Variants in TMEM131 observed in about 807,000 individuals in gnomAD.
TMEM131 encodes the protein 2610524E03Rik.
Under a neutral mutation model 211.6 loss-of-function variants are expected in TMEM131, and 66 were observed. The ratio of observed to expected loss-of-function variants is 0.31; its 90% CI spans 0.26 to 0.38. The LOEUF (loss-of-function observed/expected upper bound fraction) is 0.38, where lower values mean the gene tolerates loss of function less well. Ranked by LOEUF, TMEM131 falls within the 10% of genes least tolerant of loss-of-function variation. TMEM131 has a pLI of 1.00. For synonymous variants in TMEM131, 844 were observed against 841.3 expected, an observed-to-expected ratio of 1.00 and a Z score of -0.06; for missense variants, 2,036 against 2,299.3, an observed-to-expected ratio of 0.89 and a Z score of 2.34.
chr2:97,794,888 T>C, intron 29 of TMEM131, 42 bp downstream of exon 29: 4 of 1,490,172 alleles, frequency 2.7e-6, no homozygotes, highest in Non-Finnish European at 3.6e-6. Context: ...TCAACAGTGT[T>C]AAATGTTGAA....
chr2:97,776,052 T>A (rs1247139004), intron 31 of TMEM131, 34 bp from the exon 32 acceptor site: 2 of 1,583,608 alleles, frequency 1.3e-6, no homozygotes, highest in African/African-American at 1.4e-5. Flanking sequence ...AGAACTCTTG[T>A]TTTTGTTTCT....
chr2:97,887,247 A>G (rs550687618), intron 4 of TMEM131, among the ~76,000 whole-genome samples: 14 of 152,382 alleles, frequency 9.2e-5, no homozygotes, highest in African/African-American at 3.1e-4. Flanking sequence ...TGATGTGAGC[A>G]CAAAGCTGCT....
intron 3 of TMEM131, among the ~76,000 whole-genome samples, chr2:97,896,782 T>C (rs191575363): frequency 4.5e-4 from 69 of 151,836 alleles, no homozygotes; most frequent in Non-Finnish European, 7.5e-4. Context: ...TTAAATCTTC[T>C]GATGTTTTTC....
chr2:97,787,690 C>T (rs531266324), intron 31 of TMEM131, among the ~76,000 whole-genome samples: 3 of 152,256 alleles, frequency 2.0e-5, no homozygotes, highest in Non-Finnish European at 4.4e-5. Context: ...TGATGTTCAC[C>T]TACTTTTACA....
chr2:97,840,410 G>T lies in TMEM131; in HGVS notation c.723+1405C>A, dbSNP rs1683141793. Among the ~76,000 whole-genome samples the T allele has an allele frequency of 1.3e-5, 2 of 152,166 alleles. 1 individual carries two copies. Among genetic ancestry groups the T allele is most frequent in the African/African-American group, 4.8e-5 (2 of 41,432 alleles). ...AACAGCCCTTCTACGGCACAGTGGG[G>T]CAACTCATGCAGTCGGGTCTAACGG... On this transcript the variant is annotated intron_variant, in intron 7 of 40. Coordinates refer to ENST00000186436, the MANE Select transcript of TMEM131 (RefSeq NM_015348.2).
chr2:97,882,314 A>G (rs1435716121), intron 4 of TMEM131, among the ~76,000 whole-genome samples: 1 of 152,226 alleles, frequency 6.6e-6, no homozygotes, highest in African/African-American at 2.4e-5. Context: ...GACAGCAGCT[A>G]TTTTGTAGCA....
intron 31 of TMEM131, among the ~76,000 whole-genome samples, chr2:97,787,243 T>C (rs1339685081): frequency 6.6e-6 from 1 of 152,256 alleles, no homozygotes; most frequent in Non-Finnish European, 1.5e-5. Flanking sequence ...TTGTCTGAGC[T>C]AGGTGCTCTG....
In TMEM131 at chr2:97,772,381, T is replaced by A; in HGVS notation, c.4364A>T (p.His1455Leu). The change falls in exon 33 of 41, where the codon CAT (histidine) becomes CTT (leucine). Residue 1455 changes from histidine to leucine, a missense_variant. Coordinates refer to ENST00000186436, the MANE Select transcript of TMEM131 (RefSeq NM_015348.2). ...CTTCACTTGAGACATTTCACTTTCA[T>A]GTTTTTCAGGCATGGCTTGTTTTCC... ...QKGKQAMPEK[H>L]ESEMSQVKQK... 1 of 1,610,454 alleles carries A rather than the reference T, an allele frequency of 6.2e-7. No individual in the cohort carries two copies. Among genetic ancestry groups the A allele is most frequent in the Non-Finnish European group, 8.5e-7 (1 of 1,179,146 alleles).
intron 3 of TMEM131, among the ~76,000 whole-genome samples, chr2:97,889,944 C>T (rs1216859521): frequency 3.3e-5 from 5 of 152,206 alleles, no homozygotes; most frequent in African/African-American, 9.6e-5. Flanking sequence ...AAATCAAACA[C>T]GGCGGGGCTG....
At chr2:97,905,368 CTATT>C (rs1204003222) in intron 3 of TMEM131, among the ~76,000 whole-genome samples, 1 of 152,146 alleles carries the variant, frequency 6.6e-6, no homozygotes, top group Non-Finnish European at 1.5e-5. Context: ...GGCTGTTTCT[CTATT>C]TATGACTGAT....
Position 97,995,654 on chromosome 2 carries a change from C to T in TMEM131, c.9G>A (p.Lys3=), listed in dbSNP as rs1559498451. The T allele has an allele frequency of 5.8e-6, 7 of 1,212,312 alleles. No individual in the cohort carries two copies. The highest frequency in any genetic ancestry group is 6.2e-6 in the Non-Finnish European group (6 of 975,076). The allele number at this position is 1,212,312 out of a possible 1,614,324, so 75.1% of individuals were successfully genotyped here. ...CTCCGGTTGCTCCTCCTCCCGCCCG[C>T]TTCCCCATCCCTGCCGGCCGGGGGC... MG[K]RAGGGATGAT... is the part of the protein sequence containing the mutation. Residue 3 remains lysine (K), a synonymous_variant, in exon 1 of 41, where the codon AAG becomes AAA. Transcript: ENST00000186436.
intron 38 of TMEM131, chr2:97,760,298 T>C: frequency 2.2e-6 from 1 of 444,710 alleles, no homozygotes. Context: ...AGATCACATC[T>C]TACCACAGAC....
chr2:97,971,955 C>T (rs1679316463), intron 1 of TMEM131, among the ~76,000 whole-genome samples: 1 of 152,226 alleles, frequency 6.6e-6, no homozygotes, highest in Non-Finnish European at 1.5e-5. Context: ...CACCTATAAT[C>T]CCAGCACTTT....
At chr2:97,908,566 C>T in intron 3 of TMEM131, 92 bp downstream of exon 3, 1 of 934,246 alleles carries the variant, frequency 1.1e-6, no homozygotes, top group Non-Finnish European at 1.7e-6. Context: ...TCCTTCTTCA[C>T]CAAAATGAGC....
chr2:97,860,873 G>A (rs1001937746), intron 4 of TMEM131, among the ~76,000 whole-genome samples: 1 of 152,166 alleles, frequency 6.6e-6, no homozygotes, highest in African/African-American at 2.4e-5. Context: ...ACTGAAAGAG[G>A]CAATGAAGAG....
At chr2:97,972,412 G>A (rs964503660) in intron 1 of TMEM131, among the ~76,000 whole-genome samples, 4 of 120,000 alleles carry the variant, frequency 3.3e-5, no homozygotes, top group Non-Finnish European at 6.6e-5. Context: ...AGAAAGAAAA[G>A]AAAAAGGAAA....
intron 19 of TMEM131, among the ~76,000 whole-genome samples, chr2:97,808,124 C>A (rs1047342793): frequency 6.6e-6 from 1 of 152,070 alleles, no homozygotes; most frequent in Non-Finnish European, 1.5e-5. Context: ...CATTTATATG[C>A]ATAGCCTGAA....
chr2:97,785,325 A>G (rs1370981536), intron 31 of TMEM131, among the ~76,000 whole-genome samples: 1 of 152,222 alleles, frequency 6.6e-6, no homozygotes, highest in East Asian at 1.9e-4. Context: ...TAGTAGAAAA[A>G]CCCAAACAAT....
At chr2:97,844,683 T>C (rs1683343885) in intron 5 of TMEM131, among the ~76,000 whole-genome samples, 1 of 152,030 alleles carries the variant, frequency 6.6e-6, no homozygotes. Context: ...CTGCCTTCCA[T>C]CCACACAAGG....
Sources: gnomAD v4.1 joint callset for allele counts (sites outside exome capture counted in the v4.1 genomes callset) on GRCh38, gnomAD v4.1.1 for gene constraint, MANE v1.5 for transcripts, NCBI Gene and HGNC (gene_info 2026-07-23, HGNC 2026-07-21) for gene names.